ALS2: variants seen among roughly 807,000 people sequenced by gnomAD.
The protein encoded by ALS2 is alsin.
Under a neutral mutation model 203.4 loss-of-function variants are expected in ALS2, and 117 were observed. That is an observed-to-expected ratio of 0.58 (90% CI 0.50 to 0.67). The LOEUF is 0.67. ALS2 is among the 30% of genes least tolerant of loss of function. The probability of loss-of-function intolerance (pLI) is 0.00; values close to 1 mark genes in which losing one functional copy is unlikely to be tolerated. For missense variants in ALS2, 1,715 were observed against 1,989.4 expected, an observed-to-expected ratio of 0.86 and a Z score of 2.62; for synonymous variants, 718 against 725.9, an observed-to-expected ratio of 0.99 and a Z score of 0.17.
chr2:201,760,236 G>T, intron 4 of ALS2: 1 of 746,894 alleles, frequency 1.3e-6, no homozygotes, highest in Non-Finnish European at 1.6e-6. Context: ...GCTTGAACCT[G>T]GGAGATCGAG....
intron 1 of ALS2, among the ~76,000 whole-genome samples, chr2:201,775,897 C>T (rs997048604): frequency 3.9e-5 from 6 of 152,234 alleles, no homozygotes; most frequent in African/African-American, 1.2e-4. Context: ...ATTTTAAGCT[C>T]CTGGAGGTCA....
At chr2:201,739,166 G>C (rs188956997) in intron 11 of ALS2, among the ~76,000 whole-genome samples, 33 of 147,448 alleles carry the variant, frequency 2.2e-4, no homozygotes, top group African/African-American at 6.7e-4. Flanking sequence ...TTGAGCCTGG[G>C]AGGTTGAGGC....
At chr2:201,739,190 G>A (rs187426315) in intron 11 of ALS2, among the ~76,000 whole-genome samples, 12 of 122,864 alleles carry the variant, frequency 9.8e-5, no homozygotes, top group African/African-American at 3.1e-4. Flanking sequence ...AGTGAGCTGT[G>A]ATTCCAACAT....
rs746226743 is a variant in ALS2 at position 201,715,638 on chromosome 2, T to C, written c.4004+34A>G. On this transcript the variant is annotated intron_variant, in intron 25 of 33. Transcript: ENST00000264276. ...GGTCTTAAGTTTCATCTTCCTAACA[T>C]GCTCTGCTGTATGTTGAGCAGGTGT... The C allele has an allele frequency of 6.8e-6, 11 of 1,611,848 alleles. No individual in the cohort carries two copies. In the Admixed American group the frequency reaches 1.0e-4, roughly 15 times the overall value.
intron 12 of ALS2, among the ~76,000 whole-genome samples, chr2:201,738,085 A>C (rs1692000488): frequency 2.0e-5 from 3 of 152,094 alleles, no homozygotes; most frequent in Admixed American, 1.3e-4. Context: ...AGAACCCTTG[A>C]GCCCAGGAGT....
In ALS2 at chr2:201,733,333, G is replaced by A. The variant is rs769430161; in HGVS notation, c.2523C>T (p.Ile841=). 1 of 1,613,842 alleles carries A rather than the reference G, an allele frequency of 6.2e-7. No homozygotes were observed. Among genetic ancestry groups the A allele is most frequent in the Non-Finnish European group, 8.5e-7 (1 of 1,179,902 alleles). Reference sequence around the variant, plus strand: ...CTTTTGCGTAATTATGAAGTCGTCTGATTGGCAAGAAAAACAAAGTATTCA... The same window carrying A: ...CTTTTGCGTAATTATGAAGTCGTCTAATTGGCAAGAAAAACAAAGTATTCA... The part of the protein sequence containing the change: ...EILNTLFFLP[I]RRLHNYAKVL... Residue 841 remains isoleucine, a synonymous_variant, in exon 13 of 34, where the codon ATC becomes ATT. Transcript: ENST00000264276.
intron 25 of ALS2, among the ~76,000 whole-genome samples, chr2:201,712,723 G>T (rs1690102374): frequency 7.0e-6 from 1 of 142,534 alleles, no homozygotes; most frequent in Admixed American, 7.1e-5. Flanking sequence ...AGTTAAAGAA[G>T]AAAGGCAGAT....
chr2:201,768,170 A>G (rs1694198346), intron 2 of ALS2, among the ~76,000 whole-genome samples: 2 of 152,150 alleles, frequency 1.3e-5, no homozygotes, highest in Non-Finnish European at 2.9e-5. Context: ...TGCTATTTAA[A>G]TTTTTAGGAA....
intron 25 of ALS2, among the ~76,000 whole-genome samples, chr2:201,713,133 CTTTTTTTTTT>C (rs35807671): frequency 9.4e-5 from 9 of 96,256 alleles, no homozygotes; most frequent in Middle Eastern, 6.0e-3. Context: ...CTTTTCTTTT[CTTTTTTTTTT>C]TTTTTTTTTT....
At chr2:201,765,189 C>A (rs1371863416) in intron 3 of ALS2, among the ~76,000 whole-genome samples, 1 of 151,992 alleles carries the variant, frequency 6.6e-6, no homozygotes, top group Non-Finnish European at 1.5e-5. Flanking sequence ...CTTGTAGAAA[C>A]ATGGTCTCCC....
At chr2:201,713,357 G>A (rs1019561057) in intron 25 of ALS2, among the ~76,000 whole-genome samples, 1 of 151,746 alleles carries the variant, frequency 6.6e-6, no homozygotes, top group Non-Finnish European at 1.5e-5. Flanking sequence ...CCTGACCTCA[G>A]GTGATCTGCC....
At chr2:201,760,739 G>T (rs1269758428) in intron 4 of ALS2, 142 bp downstream of exon 4, 1 of 1,445,766 alleles carries the variant, frequency 6.9e-7, no homozygotes, top group Non-Finnish European at 9.1e-7. Context: ...CCTTTATCTA[G>T]GCTTGCCTGA....
rs11300 is a variant in ALS2 at position 201,700,847 on chromosome 2, C to T, written c.*1004G>A. The T allele has an allele frequency of 0.079, 12,057 of 152,374 alleles. 567 individuals carry two copies. The highest frequency in any genetic ancestry group is 0.24 in the East Asian group (1,228 of 5,186). 9.4% of individuals were successfully genotyped at this position (152,374 alleles called of 1,614,324 possible). A position where few individuals can be genotyped will look rare whatever the true frequency, so the allele number is the denominator to read the frequency against. On this transcript the variant is annotated 3_prime_UTR_variant, in exon 34 of 34. Coordinates refer to ENST00000264276, the MANE Select transcript of ALS2 (RefSeq NM_020919.4). ...ATAGGGCATTTTTTAAAAAGCAAAA[C>T]ACTGAAATGTTGAGGTGCCACAATA...
intron 10 of ALS2, among the ~76,000 whole-genome samples, chr2:201,743,659 T>G (rs1692440473): frequency 6.6e-6 from 1 of 152,126 alleles, no homozygotes; most frequent in Non-Finnish European, 1.5e-5. Flanking sequence ...GTATTTTTAG[T>G]AGAGATGGGG....
chr2:201,753,109 G>T, intron 7 of ALS2, 37 bp downstream of exon 7: 3 of 1,540,096 alleles, frequency 1.9e-6, no homozygotes, highest in Non-Finnish European at 2.7e-6. Flanking sequence ...GGCCTTCCAT[G>T]AAAATAAGGT....
At chr2:201,716,281 C>A (rs946048009) in intron 24 of ALS2, among the ~76,000 whole-genome samples, 1 of 151,324 alleles carries the variant, frequency 6.6e-6, no homozygotes, top group African/African-American at 2.4e-5. Context: ...TGGTGGCTCA[C>A]GCCTGTAATC....
rs73053659 is a variant in ALS2, at chr2:201,702,386, C to T, written c.4936-497G>A. Among the ~76,000 whole-genome samples, 1,205 of 146,854 alleles carry T rather than the reference C, an allele frequency of 8.2e-3. 12 individuals carry two copies. The highest frequency in any genetic ancestry group is 0.029 in the African/African-American group (1,154 of 39,138). On this transcript the variant is annotated intron_variant, in intron 33 of 33. Transcript: ENST00000264276. ...ATTACTCATACCCCAATGAATAACA[C>T]ATCCAGATAACATGTAACATTTTCC...
intron 23 of ALS2, among the ~76,000 whole-genome samples, chr2:201,719,427 A>G (rs1690615402): frequency 6.6e-6 from 1 of 152,136 alleles, no homozygotes; most frequent in Non-Finnish European, 1.5e-5. Context: ...CGTCTCTACT[A>G]AAAATACAAA....
chr2:201,726,587 A>G (rs757002459), intron 18 of ALS2, 38 bp from the exon 19 acceptor site: 6 of 1,609,172 alleles, frequency 3.7e-6, no homozygotes, highest in Admixed American at 1.7e-5. Flanking sequence ...ATGTCAACTA[A>G]TATTTCAGAT....
Sources: allele counts gnomAD v4.1 joint callset (sites outside exome capture counted in the v4.1 genomes callset), GRCh38; gene constraint gnomAD v4.1.1; transcripts MANE v1.5; gene names NCBI Gene and HGNC (gene_info 2026-07-23, HGNC 2026-07-21).